Variants in IGSF21 observed in about 807,000 individuals in gnomAD.
The protein encoded by IGSF21 is immunoglobulin superfamily member 21.
In IGSF21, 28 loss-of-function variants were observed where a neutral mutation model predicts 46.8. The ratio of observed to expected loss-of-function variants is 0.60; its 90% CI spans 0.44 to 0.82. The LOEUF is 0.82. Ranked by LOEUF, IGSF21 falls within the 40% of genes least tolerant of loss-of-function variation. IGSF21 has a pLI of 0.00. For missense variants in IGSF21, 624 were observed against 665.5 expected (o/e 0.94, Z 0.69); for synonymous variants, 284 against 273.6 (o/e 1.04, Z -0.38).
chr1:18,305,046 G>T (rs2085405478), intron 3 of IGSF21, among the ~76,000 whole-genome samples: 1 of 152,172 alleles, frequency 6.6e-6, no homozygotes, highest in African/African-American at 2.4e-5. Context: ...GTGAGGGTTA[G>T]GTGGAATTGA....
At chr1:18,377,731 C>T (rs2086298741) in intron 9 of IGSF21, among the ~76,000 whole-genome samples, 1 of 152,220 alleles carries the variant, frequency 6.6e-6, no homozygotes, top group African/African-American at 2.4e-5. Flanking sequence ...TCTCACTGCC[C>T]ATGGCATCTC....
chr1:18,193,660 G>A (rs1370000566), intron 1 of IGSF21, among the ~76,000 whole-genome samples: 1 of 152,154 alleles, frequency 6.6e-6, no homozygotes, highest in Non-Finnish European at 1.5e-5. Flanking sequence ...CAGATTAAGG[G>A]TGGGTCTGCC....
intron 1 of IGSF21, among the ~76,000 whole-genome samples, chr1:18,215,970 T>C (rs907816952): frequency 3.3e-5 from 5 of 152,194 alleles, no homozygotes; most frequent in Admixed American, 1.3e-4. Flanking sequence ...TGTCAAGCAT[T>C]ATGCAGAGGT....
At chr1:18,241,078 C>T (rs2084722636) in intron 2 of IGSF21, among the ~76,000 whole-genome samples, 1 of 152,194 alleles carries the variant, frequency 6.6e-6, no homozygotes, top group Admixed American at 6.5e-5. Context: ...GAAAGTGCCC[C>T]ACCCTTGAGT....
At chr1:18,164,777 C>A (rs2124449603) in intron 1 of IGSF21, among the ~76,000 whole-genome samples, 1 of 151,706 alleles carries the variant, frequency 6.6e-6, no homozygotes, top group South Asian at 2.1e-4. Context: ...GGTACATGTG[C>A]ACAATGTGCA....
chr1:18,202,770 C>A (rs964981014), intron 1 of IGSF21, among the ~76,000 whole-genome samples: 1 of 152,168 alleles, frequency 6.6e-6, no homozygotes, highest in African/African-American at 2.4e-5. Flanking sequence ...GGACACAAAG[C>A]CAAACCATAT....
At chr1:18,287,930 G>A (rs988481190) in intron 2 of IGSF21, among the ~76,000 whole-genome samples, 4 of 152,150 alleles carry the variant, frequency 2.6e-5, no homozygotes, top group Non-Finnish European at 4.4e-5. Flanking sequence ...CAGCCCCATA[G>A]ACAGAAAGAG....
intron 1 of IGSF21, among the ~76,000 whole-genome samples, chr1:18,183,031 C>T (rs2086871717): frequency 6.6e-6 from 1 of 152,194 alleles, no homozygotes; most frequent in African/African-American, 2.4e-5. Context: ...CAGGAAGCCA[C>T]CCTGCCCCCT....
At chr1:18,249,028 G>A (rs1238372246) in intron 2 of IGSF21, among the ~76,000 whole-genome samples, 2 of 152,164 alleles carry the variant, frequency 1.3e-5, no homozygotes, top group African/African-American at 4.8e-5. Context: ...GAGAGAAAGT[G>A]TGGCACCCCC....
intron 3 of IGSF21, among the ~76,000 whole-genome samples, chr1:18,301,852 G>A (rs2085365020): frequency 6.6e-6 from 1 of 152,324 alleles, no homozygotes; most frequent in South Asian, 2.1e-4. Context: ...GGATGCCACA[G>A]CCAGGGAGAG....
intron 2 of IGSF21, among the ~76,000 whole-genome samples, chr1:18,288,601 T>A (rs539380473): frequency 1.3e-5 from 2 of 152,334 alleles, no homozygotes; most frequent in South Asian, 4.1e-4. Flanking sequence ...CCACAGCCTG[T>A]ACTAATAATC....
chr1:18,363,191 T>C (rs79020169), intron 5 of IGSF21, among the ~76,000 whole-genome samples: 1 of 152,308 alleles, frequency 6.6e-6, no homozygotes, highest in African/African-American at 2.4e-5. Flanking sequence ...CATTTTATAA[T>C]ACTTTGGGTC....
chr1:18,137,928 A>T (rs910297769), intron 1 of IGSF21, among the ~76,000 whole-genome samples: 1 of 152,172 alleles, frequency 6.6e-6, no homozygotes, highest in Non-Finnish European at 1.5e-5. Context: ...CAGAGAGGTT[A>T]TGTAGCTGAC....
intron 4 of IGSF21, among the ~76,000 whole-genome samples, chr1:18,354,235 T>A (rs563863): frequency 2.0e-5 from 3 of 152,070 alleles, no homozygotes; most frequent in African/African-American, 7.2e-5. Context: ...AGGCCCAGTG[T>A]GTGCAGGGCA....
intron 1 of IGSF21, among the ~76,000 whole-genome samples, chr1:18,162,133 C>A (rs1300261992): frequency 6.6e-6 from 1 of 152,128 alleles, no homozygotes. Context: ...GCAGCCTCAA[C>A]TTCCCAGGCT....
chr1:18,376,975 C>T lies in IGSF21; in HGVS notation c.1277C>T (p.Thr426Ile). 1.3e-6 allele frequency: 2 copies of T among 1,594,226 alleles called. No individual in the cohort carries two copies. The highest frequency in any genetic ancestry group is 1.1e-5 in the South Asian group (1 of 90,180). ...QNPLGSTDTH[T>I]RLIVFENPNI... ...CCACTGGGCTCCACCGACACGCACA[C>T]CCGGCTCATCGTGTTTGGTATGGCG... Residue 426 changes from threonine to isoleucine, a missense_variant, in exon 8 of 10, where the codon ACC becomes ATC. Coordinates refer to ENST00000251296, the MANE Select transcript of IGSF21 (RefSeq NM_032880.5).
chr1:18,116,238 T>C (rs61765731), intron 1 of IGSF21, among the ~76,000 whole-genome samples: 7,291 of 152,202 alleles, frequency 0.048, 230 homozygotes, highest in Non-Finnish European at 0.07. Flanking sequence ...GGGGCCTCCC[T>C]CACCCGAGAA....
chr1:18,296,692 C>A (rs756959862), intron 3 of IGSF21, among the ~76,000 whole-genome samples: 1 of 152,134 alleles, frequency 6.6e-6, no homozygotes, highest in Non-Finnish European at 1.5e-5. Flanking sequence ...TTTGAGGTGG[C>A]GTGTCCTGAA....
intron 1 of IGSF21, among the ~76,000 whole-genome samples, chr1:18,168,634 T>C (rs1374059661): frequency 6.6e-6 from 1 of 152,166 alleles, no homozygotes; most frequent in African/African-American, 2.4e-5. Flanking sequence ...AATTACGCCT[T>C]ATGTTGCAAG....
Sources: allele counts gnomAD v4.1 joint callset (sites outside exome capture counted in the v4.1 genomes callset), GRCh38; gene constraint gnomAD v4.1.1; transcripts MANE v1.5; gene names NCBI Gene and HGNC (gene_info 2026-07-23, HGNC 2026-07-21).